USP37: variants seen among roughly 807,000 people sequenced by gnomAD.
USP37 encodes ubiquitin carboxyl-terminal hydrolase 37.
Under a neutral mutation model 124.0 loss-of-function variants are expected in USP37, and 27 were observed. The observed-to-expected ratio is 0.22, with a 90% CI of 0.16 to 0.30. The LOEUF is 0.30. Among genes scored for constraint, USP37 ranks in the 10% least tolerant of loss-of-function variants. The probability of loss-of-function intolerance (pLI) is 1.00; values close to 1 mark genes in which losing one functional copy is unlikely to be tolerated. For synonymous variants in USP37, 365 were observed against 388.0 expected (o/e 0.94, Z 0.70); for missense variants, 889 against 1,140.4 (o/e 0.78, Z 3.17).
chr2:218,523,526 G>A (rs1019437114), intron 10 of USP37, among the ~76,000 whole-genome samples: 2 of 152,124 alleles, frequency 1.3e-5, no homozygotes, highest in Non-Finnish European at 2.9e-5. Flanking sequence ...TTAATTTTGT[G>A]AATTGATCTT....
chr2:218,519,537 A>G (rs1015297868), intron 10 of USP37, among the ~76,000 whole-genome samples: 1 of 151,642 alleles, frequency 6.6e-6, no homozygotes, highest in Non-Finnish European at 1.5e-5. Context: ...TCTTTCAGCA[A>G]TCTCTTCTGG....
At position 218,459,839 on chromosome 2, in the gene USP37, T is replaced by C. The variant is rs1280663904; in HGVS notation, c.2594A>G (p.Asp865Gly). ...AGCTTCAGCTTCTGTGTACTCCATATCAAAAACATCCTCATTTCCAGAGTC... is the reference window on the plus strand; with the variant it reads ...AGCTTCAGCTTCTGTGTACTCCATACCAAAAACATCCTCATTTCCAGAGTC... ...DEDSGNEDVF[D>G]MEYTEAEAEE... Residue 865 changes from aspartate to glycine, a missense_variant, in exon 23 of 26, where the codon GAT (aspartate) becomes GGT (glycine). Around this residue, in one of 3 missense-constraint regions of USP37, gnomAD observed 504 missense variants for 714.3 expected, o/e 0.71. Coordinates refer to ENST00000258399, the MANE Select transcript of USP37 (RefSeq NM_020935.3). 1 of 1,613,870 alleles carries C rather than the reference T, an allele frequency of 6.2e-7. No homozygotes were observed. The highest frequency in any genetic ancestry group is 1.1e-5 in the South Asian group (1 of 91,074).
At chr2:218,493,576 T>C (rs1384258832) in intron 14 of USP37, among the ~76,000 whole-genome samples, 2 of 152,174 alleles carry the variant, frequency 1.3e-5, no homozygotes, top group Admixed American at 6.5e-5. Flanking sequence ...GTTAAAGCAA[T>C]TGTCCTGCCT....
chr2:218,534,069 G>A (rs909134593), intron 9 of USP37, among the ~76,000 whole-genome samples: 2 of 152,118 alleles, frequency 1.3e-5, no homozygotes, highest in African/African-American at 4.8e-5. Context: ...TTAATTCTAG[G>A]CAGTCAAATA....
chr2:218,454,903 C>T lies in USP37; in HGVS notation c.*27G>A, dbSNP rs1160170677. ...GGGCAGCAGTAACAAATATGCAGTGCATGCTGCCAACCCAGGAGTTTGTTC... is the reference window on the plus strand; with the variant it reads ...GGGCAGCAGTAACAAATATGCAGTGTATGCTGCCAACCCAGGAGTTTGTTC... On this transcript the variant is annotated 3_prime_UTR_variant, in exon 26 of 26. Transcript: ENST00000258399. 6.2e-7 allele frequency: 1 copy of T among 1,611,694 alleles called. No individual in the cohort carries two copies. Among genetic ancestry groups the T allele is most frequent in the South Asian group, 1.1e-5 (1 of 90,896 alleles).
intron 20 of USP37, among the ~76,000 whole-genome samples, chr2:218,472,419 A>G (rs192880433): frequency 1.3e-5 from 2 of 151,700 alleles, no homozygotes; most frequent in Non-Finnish European, 1.5e-5. Context: ...CTGTAATTGC[A>G]GATATTATAA....
chr2:218,496,073 C>T lies in USP37; in HGVS notation c.1282-123G>A, dbSNP rs111804452. On this transcript the variant is annotated intron_variant, in intron 13 of 25. Coordinates refer to ENST00000258399, the MANE Select transcript of USP37 (RefSeq NM_020935.3). ...CTCTGGAAGGCTGAGGCAGGCGGAT[C>T]ACTTGAGGTCAGGAGTTCGAGACCA... 5.1e-3 allele frequency: 4,679 copies of T among 911,976 alleles called. 146 individuals carry two copies. In the African/African-American group the frequency reaches 0.066, roughly 13 times the overall value. 56.5% of individuals were successfully genotyped at this position (911,976 alleles called of 1,614,324 possible). A position where few individuals can be genotyped will look rare whatever the true frequency, so the allele number is the denominator to read the frequency against.
chr2:218,474,194 C>A (rs1690842945), intron 20 of USP37, among the ~76,000 whole-genome samples: 1 of 152,152 alleles, frequency 6.6e-6, no homozygotes, highest in South Asian at 2.1e-4. Context: ...ATTAAATGCA[C>A]ATAAGAAGGC....
chr2:218,565,778 G>A (rs145167462), intron 1 of USP37, among the ~76,000 whole-genome samples: 1,886 of 152,320 alleles, frequency 0.012, 46 homozygotes, highest in African/African-American at 0.043. Context: ...GCTGGGTGCA[G>A]TGGCTCACAC....
At chr2:218,471,755 G>A (rs1436673837) in intron 20 of USP37, among the ~76,000 whole-genome samples, 1 of 152,136 alleles carries the variant, frequency 6.6e-6, no homozygotes, top group Non-Finnish European at 1.5e-5. Flanking sequence ...GCTGGGCGTG[G>A]TGGCTCATGC....
chr2:218,455,140 G>A (rs1689623797), intron 25 of USP37, 123 bp from the exon 26 acceptor site: 3 of 1,157,942 alleles, frequency 2.6e-6, no homozygotes, highest in Non-Finnish European at 3.7e-6. Context: ...TTTCATGCCT[G>A]TATTTTATTT....
At chr2:218,493,828 A>G (rs763532312) in intron 14 of USP37, among the ~76,000 whole-genome samples, 1 of 152,072 alleles carries the variant, frequency 6.6e-6, no homozygotes, top group East Asian at 1.9e-4. Flanking sequence ...AGCTCCCCAG[A>G]CCTGACTGAC....
chr2:218,487,224 T>C (rs1331682146), intron 15 of USP37, among the ~76,000 whole-genome samples: 1 of 152,228 alleles, frequency 6.6e-6, no homozygotes, highest in East Asian at 1.9e-4. Flanking sequence ...CACAAATATG[T>C]ATCTACAGCT....
At chr2:218,469,915 G>GA (rs1690580635) in intron 20 of USP37, among the ~76,000 whole-genome samples, 1 of 150,962 alleles carries the variant, frequency 6.6e-6, no homozygotes, top group African/African-American at 2.4e-5. Context: ...CTGCCTCCCG[G>GA]GTTCTTGCCA....
intron 1 of USP37, among the ~76,000 whole-genome samples, chr2:218,564,747 G>A (rs538439687): frequency 6.6e-6 from 1 of 152,232 alleles, no homozygotes; most frequent in South Asian, 2.1e-4. Context: ...CTTGTTAAGT[G>A]CTAAATGGTT....
At chr2:218,498,386 G>T in intron 11 of USP37, 1 of 301,902 alleles carries the variant, frequency 3.3e-6, no homozygotes, top group Non-Finnish European at 6.1e-6. Flanking sequence ...AGATCACGTT[G>T]ATGCTGCTGG....
chr2:218,518,790 T>G (rs868427766), intron 10 of USP37, among the ~76,000 whole-genome samples: 1 of 151,930 alleles, frequency 6.6e-6, no homozygotes, highest in Non-Finnish European at 1.5e-5. Flanking sequence ...AAAACAAAGG[T>G]GATGTTGTAT....
chr2:218,481,784 G>C (rs1691286242), intron 17 of USP37, among the ~76,000 whole-genome samples: 1 of 150,442 alleles, frequency 6.6e-6, no homozygotes, highest in Non-Finnish European at 1.5e-5. Flanking sequence ...GCCTCGAGTA[G>C]CTGGCACTAC....
chr2:218,522,794 T>G (rs893806646), intron 10 of USP37, among the ~76,000 whole-genome samples: 12 of 152,106 alleles, frequency 7.9e-5, no homozygotes, highest in Non-Finnish European at 1.6e-4. Context: ...TCACTGATTT[T>G]GTAGTTCTTA....
Sources: gnomAD v4.1 joint callset for allele counts (sites outside exome capture counted in the v4.1 genomes callset) on GRCh38, gnomAD v4.1.1 for gene constraint, gnomAD v4.1.1 regional missense constraint, MANE v1.5 for transcripts, NCBI Gene and HGNC (gene_info 2026-07-23, HGNC 2026-07-21) for gene names.